IMMP2L: variants seen among roughly 807,000 people sequenced by gnomAD.
IMMP2L encodes the protein inner mitochondrial membrane peptidase subunit 2.
A neutral mutation model predicts 19.3 loss-of-function variants in IMMP2L; 18 were observed. The ratio of observed to expected loss-of-function variants is 0.93; its 90% CI spans 0.64 to 1.38. IMMP2L has a LOEUF of 1.38. IMMP2L is among the 40% of genes most tolerant of loss of function. IMMP2L has a pLI of 0.00. For missense variants in IMMP2L, 233 were observed against 218.2 expected (o/e 1.07, Z -0.43); for synonymous variants, 76 against 73.0 (o/e 1.04, Z -0.21).
At chr7:111,547,514 C>G (rs929183258) in intron 1 of IMMP2L, among the ~76,000 whole-genome samples, 16 of 150,486 alleles carry the variant, frequency 1.1e-4, no homozygotes, top group Middle Eastern at 6.8e-3. Context: ...TACCCCCCCC[C>G]CCTTTTTATC....
chr7:111,071,723 G>A (rs1794968166), intron 3 of IMMP2L, among the ~76,000 whole-genome samples: 1 of 151,980 alleles, frequency 6.6e-6, no homozygotes, highest in Non-Finnish European at 1.5e-5. Flanking sequence ...CCAAGAGCAA[G>A]GGGAAAGGGA....
chr7:111,231,292 AC>A (rs768057931), intron 3 of IMMP2L, among the ~76,000 whole-genome samples: 14 of 151,958 alleles, frequency 9.2e-5, no homozygotes, highest in Non-Finnish European at 1.5e-5. Flanking sequence ...CAAACTTAAT[AC>A]TTTTTATGAA....
chr7:111,290,354 T>TA (rs1469633301), intron 3 of IMMP2L, among the ~76,000 whole-genome samples: 1 of 152,110 alleles, frequency 6.6e-6, no homozygotes, highest in African/African-American at 2.4e-5. Flanking sequence ...TTAGGAGAAA[T>TA]ATTCTAAATA....
At chr7:111,410,981 GCCC>G (rs1352435492) in intron 3 of IMMP2L, among the ~76,000 whole-genome samples, 2 of 149,698 alleles carry the variant, frequency 1.3e-5, no homozygotes, top group Non-Finnish European at 3.0e-5. Flanking sequence ...AAGAAAACAT[GCCC>G]CCAATTTTTC....
At chr7:110,962,736 G>T (rs7795011) in intron 4 of IMMP2L, 646,981 of 1,034,622 alleles carry the variant, frequency 0.63, 205,197 homozygotes, top group African/African-American at 0.78. Flanking sequence ...ATTTCAGTGA[G>T]ATTAGTTAAT....
intron 3 of IMMP2L, among the ~76,000 whole-genome samples, chr7:111,218,268 T>G (rs1812166428): frequency 6.6e-6 from 1 of 152,088 alleles, no homozygotes; most frequent in South Asian, 2.1e-4. Context: ...TTACAAGTCT[T>G]ACCAATTTCT....
At chr7:111,205,692 G>T (rs1467083507) in intron 3 of IMMP2L, among the ~76,000 whole-genome samples, 2 of 151,834 alleles carry the variant, frequency 1.3e-5, no homozygotes, top group Non-Finnish European at 2.9e-5. Context: ...TTAAAAAAAA[G>T]ATTAAATTAT....
intron 3 of IMMP2L, among the ~76,000 whole-genome samples, chr7:111,000,180 C>T (rs1430095492): frequency 1.3e-5 from 2 of 152,168 alleles, no homozygotes; most frequent in Non-Finnish European, 2.9e-5. Context: ...CAATTAATCC[C>T]TGTTTACATC....
At chr7:111,263,965 A>G (rs1019003714) in intron 3 of IMMP2L, among the ~76,000 whole-genome samples, 10 of 152,156 alleles carry the variant, frequency 6.6e-5, no homozygotes, top group African/African-American at 2.4e-4. Flanking sequence ...TTAAAAGGCA[A>G]AACACATCCC....
intron 5 of IMMP2L, among the ~76,000 whole-genome samples, chr7:110,872,891 T>C (rs997035682): frequency 1.3e-4 from 20 of 152,132 alleles, no homozygotes; most frequent in Admixed American, 1.0e-3. Context: ...CCCCTTAGCC[T>C]CAGAAGGCCT....
chr7:110,854,743 C>T (rs1380725459), intron 5 of IMMP2L, among the ~76,000 whole-genome samples: 1 of 151,758 alleles, frequency 6.6e-6, no homozygotes, highest in Non-Finnish European at 1.5e-5. Flanking sequence ...TCAAATCAGA[C>T]ATCACCATCT....
chr7:111,559,632 G>C (rs1791782808), intron 1 of IMMP2L, among the ~76,000 whole-genome samples: 2 of 152,086 alleles, frequency 1.3e-5, no homozygotes, highest in Admixed American at 1.3e-4. Flanking sequence ...AACAGCTATA[G>C]GAAAGTTAGG....
At chr7:110,693,746 C>T (rs1461402284) in intron 5 of IMMP2L, among the ~76,000 whole-genome samples, 1 of 152,164 alleles carries the variant, frequency 6.6e-6, no homozygotes, top group Non-Finnish European at 1.5e-5. Context: ...AAACCAGTGT[C>T]ATGAGTTTGA....
At position 111,336,436 on chromosome 7, in the gene IMMP2L, T is replaced by A. The variant is rs570215227; in HGVS notation, c.239+150802A>T. ...TAGATACTTTTAGTTATGATGACAC[T>A]TCTCAACCTAACTTGTAGTCTCAAC... On this transcript the variant is annotated intron_variant, in intron 3 of 5. Coordinates refer to ENST00000405709, the MANE Select transcript of IMMP2L (RefSeq NM_032549.4). Among the ~76,000 whole-genome samples the A allele has an allele frequency of 4.5e-4, 68 of 152,184 alleles. 1 individual carries two copies. The Middle Eastern group carries it at 0.01, about 23-fold the overall frequency.
At chr7:111,300,347 C>T (rs1269142840) in intron 3 of IMMP2L, among the ~76,000 whole-genome samples, 1 of 152,096 alleles carries the variant, frequency 6.6e-6, no homozygotes, top group Non-Finnish European at 1.5e-5. Flanking sequence ...ATGTTGTCTA[C>T]TAATCAGCCA....
At chr7:111,455,046 C>A (rs944323141) in intron 3 of IMMP2L, among the ~76,000 whole-genome samples, 4 of 151,558 alleles carry the variant, frequency 2.6e-5, no homozygotes, top group Non-Finnish European at 5.9e-5. Flanking sequence ...TATACCCTTC[C>A]AGATTATCTG....
At chr7:111,249,989 TCCTGTATCTAGAAAAC>T (rs1227740912) in intron 3 of IMMP2L, among the ~76,000 whole-genome samples, 1 of 152,148 alleles carries the variant, frequency 6.6e-6, no homozygotes, top group African/African-American at 2.4e-5. Flanking sequence ...GATGACATAA[TCCTGTATCTAGAAAAC>T]CCCACCGTCT....
At position 111,101,376 on chromosome 7, in the gene IMMP2L, G is replaced by A. The variant is rs186163218; in HGVS notation, c.240-137811C>T. Among the ~76,000 whole-genome samples, 433 of 151,498 alleles carry A rather than the reference G, an allele frequency of 2.9e-3. 4 individuals carry two copies. Among genetic ancestry groups the A allele is most frequent in the African/African-American group, 9.8e-3 (408 of 41,444 alleles). On this transcript the variant is annotated intron_variant, in intron 3 of 5. Coordinates refer to ENST00000405709, the MANE Select transcript of IMMP2L (RefSeq NM_032549.4). ...AGAATCATATATTCGTGTCTGTGAT[G>A]ATGTACTACCAAACTCACTTGGGTA...
chr7:110,852,419 C>A (rs1243646760), intron 5 of IMMP2L, among the ~76,000 whole-genome samples: 1 of 152,002 alleles, frequency 6.6e-6, no homozygotes, highest in African/African-American at 2.4e-5. Context: ...CAAGTCCTTG[C>A]AGGGCAACAT....
Sources: allele counts gnomAD v4.1 joint callset (sites outside exome capture counted in the v4.1 genomes callset), GRCh38; gene constraint gnomAD v4.1.1; transcripts MANE v1.5; gene names NCBI Gene and HGNC (gene_info 2026-07-23, HGNC 2026-07-21).